Variants in LAPTM4B observed in about 807,000 individuals in gnomAD.
LAPTM4B encodes lysosomal protein transmembrane 4 beta, also known as lysosomal-associated transmembrane protein 4B.
Under a neutral mutation model 28.5 loss-of-function variants are expected in LAPTM4B, and 26 were observed. That is an observed-to-expected ratio of 0.91 (90% CI 0.67 to 1.27). The LOEUF (loss-of-function observed/expected upper bound fraction) is 1.27, where lower values mean the gene tolerates loss of function less well. LAPTM4B is among the 50% of genes most tolerant of loss of function. The probability of loss-of-function intolerance (pLI) is 0.00; values close to 1 mark genes in which losing one functional copy is unlikely to be tolerated. For synonymous variants in LAPTM4B, 109 were observed against 106.4 expected (o/e 1.02, Z -0.15); for missense variants, 288 against 285.8 (o/e 1.01, Z -0.06).
At chr8:97,810,580 C>G (rs1174963959) in intron 2 of LAPTM4B, among the ~76,000 whole-genome samples, 1 of 152,180 alleles carries the variant, frequency 6.6e-6, no homozygotes, top group East Asian at 1.9e-4. Flanking sequence ...GACCTAGAAG[C>G]TCAAAGAGTA....
At chr8:97,834,982 A>G in intron 6 of LAPTM4B, among the ~76,000 whole-genome samples, 1 of 152,214 alleles carries the variant, frequency 6.6e-6, no homozygotes, top group East Asian at 1.9e-4. Flanking sequence ...TGTTACCATT[A>G]TCAATTAAGA....
At chr8:97,824,584 T>A (rs1186287944) in intron 5 of LAPTM4B, among the ~76,000 whole-genome samples, 1 of 152,216 alleles carries the variant, frequency 6.6e-6, no homozygotes, top group African/African-American at 2.4e-5. Flanking sequence ...TGAGATAAAT[T>A]TATATGCTAT....
At chr8:97,817,615 A>AT (rs1330896258) in intron 4 of LAPTM4B, among the ~76,000 whole-genome samples, 2 of 149,772 alleles carry the variant, frequency 1.3e-5, no homozygotes, top group Non-Finnish European at 3.0e-5. Context: ...AGCCTGGCTA[A>AT]TTTTTTGTAT....
intron 6 of LAPTM4B, among the ~76,000 whole-genome samples, chr8:97,836,947 AT>A (rs1193396765): frequency 6.6e-6 from 1 of 151,650 alleles, no homozygotes. Context: ...AGAAAAAAAA[AT>A]ATATATATAT....
chr8:97,816,698 A>G (rs1023949527), intron 4 of LAPTM4B, among the ~76,000 whole-genome samples: 2 of 152,222 alleles, frequency 1.3e-5, no homozygotes, highest in Admixed American at 6.5e-5. Flanking sequence ...CGTATTTGGT[A>G]AAATGTAGTT....
chr8:97,803,225 G>A (rs13258358), intron 1 of LAPTM4B, among the ~76,000 whole-genome samples: 3 of 151,332 alleles, frequency 2.0e-5, no homozygotes, highest in Non-Finnish European at 4.4e-5. Flanking sequence ...AAGTTACTTC[G>A]AATCCTACAA....
intron 6 of LAPTM4B, among the ~76,000 whole-genome samples, chr8:97,832,663 T>G (rs1467838490): frequency 6.7e-6 from 1 of 148,390 alleles, no homozygotes; most frequent in Non-Finnish European, 1.5e-5. Context: ...TGACGATATT[T>G]TTTATTTATT....
chr8:97,789,782 A>G (rs573691603), intron 1 of LAPTM4B, among the ~76,000 whole-genome samples: 1 of 152,034 alleles, frequency 6.6e-6, no homozygotes, highest in African/African-American at 2.4e-5. Context: ...CGGCCTCCCA[A>G]AGTGCTGGGA....
chr8:97,831,839 GT>G (rs1157860497), intron 6 of LAPTM4B, among the ~76,000 whole-genome samples: 4 of 152,180 alleles, frequency 2.6e-5, no homozygotes, highest in African/African-American at 9.7e-5. Flanking sequence ...GGGGTCAGAT[GT>G]TTTTTGGTGC....
chr8:97,777,141 T>G (rs1816232471), intron 1 of LAPTM4B, among the ~76,000 whole-genome samples: 1 of 119,866 alleles, frequency 8.3e-6, no homozygotes, highest in Non-Finnish European at 1.7e-5. Context: ...AGTGAGGTTT[T>G]TTTTTTTTTT....
At chr8:97,778,454 T>A in intron 1 of LAPTM4B, among the ~76,000 whole-genome samples, 1 of 152,098 alleles carries the variant, frequency 6.6e-6, no homozygotes, top group East Asian at 1.9e-4. Context: ...TTGCAGCCCC[T>A]TACCCACCCG....
At chr8:97,781,664 G>A (rs1327024976) in intron 1 of LAPTM4B, among the ~76,000 whole-genome samples, 2 of 152,182 alleles carry the variant, frequency 1.3e-5, no homozygotes, top group African/African-American at 2.4e-5. Flanking sequence ...CAAACTTTCA[G>A]CAAGTTCCCT....
intron 6 of LAPTM4B, among the ~76,000 whole-genome samples, chr8:97,834,451 A>G (rs1036672661): frequency 6.6e-6 from 1 of 152,192 alleles, no homozygotes; most frequent in East Asian, 1.9e-4. Context: ...AACAGCTGAT[A>G]TATAATAGTT....
chr8:97,804,503 T>A (rs1055492127), intron 1 of LAPTM4B, among the ~76,000 whole-genome samples: 3 of 152,198 alleles, frequency 2.0e-5, no homozygotes, highest in Non-Finnish European at 2.9e-5. Flanking sequence ...GCTTGGTAGT[T>A]GTTTGTTCCT....
At chr8:97,826,485 T>A (rs1817093427) in intron 6 of LAPTM4B, among the ~76,000 whole-genome samples, 1 of 152,214 alleles carries the variant, frequency 6.6e-6, no homozygotes, top group South Asian at 2.1e-4. Context: ...TAAGAATTTT[T>A]TTCCTTTTCT....
At chr8:97,838,759 G>A (rs1184073378) in intron 6 of LAPTM4B, among the ~76,000 whole-genome samples, 3 of 152,128 alleles carry the variant, frequency 2.0e-5, no homozygotes, top group East Asian at 1.9e-4. Context: ...AGTTCTTCTC[G>A]AGTACAGTCA....
intron 6 of LAPTM4B, among the ~76,000 whole-genome samples, chr8:97,841,793 C>T (rs1234674540): frequency 6.6e-6 from 1 of 152,118 alleles, no homozygotes; most frequent in Non-Finnish European, 1.5e-5. Flanking sequence ...GCAAATGTGG[C>T]GTGACCAATT....
At chr8:97,778,995 T>C (rs1052316903) in intron 1 of LAPTM4B, among the ~76,000 whole-genome samples, 1 of 152,174 alleles carries the variant, frequency 6.6e-6, no homozygotes, top group African/African-American at 2.4e-5. Flanking sequence ...CCTTCCCTGG[T>C]TTGTCCTAAC....
At chr8:97,842,630 T>A (rs1348973296) in intron 6 of LAPTM4B, among the ~76,000 whole-genome samples, 2 of 152,092 alleles carry the variant, frequency 1.3e-5, no homozygotes, top group Non-Finnish European at 2.9e-5. Flanking sequence ...GCATTTCTCC[T>A]GCCTCAGCCT....
Sources: allele counts gnomAD v4.1 joint callset (sites outside exome capture counted in the v4.1 genomes callset), GRCh38; gene constraint gnomAD v4.1.1; transcripts MANE v1.5; gene names NCBI Gene and HGNC (gene_info 2026-07-23, HGNC 2026-07-21).